Variants in SLC12A6 observed in about 807,000 individuals in gnomAD.
SLC12A6 encodes the protein solute carrier family 12 member 6.
In SLC12A6, 66 loss-of-function variants were observed where a neutral mutation model predicts 135.3. The ratio of observed to expected loss-of-function variants is 0.49; its 90% CI spans 0.40 to 0.60. The LOEUF (loss-of-function observed/expected upper bound fraction) is 0.60. SLC12A6 is among the 20% of genes least tolerant of loss of function. The pLI is 0.00. For synonymous variants in SLC12A6, 513 were observed against 508.8 expected, an observed-to-expected ratio of 1.01 and a Z score of -0.11; for missense variants, 1,058 against 1,452.3, an observed-to-expected ratio of 0.73 and a Z score of 4.41.
chr15:34,334,082 A>C (rs193255779), intron 2 of SLC12A6, among the ~76,000 whole-genome samples: 33 of 151,906 alleles, frequency 2.2e-4, no homozygotes, highest in African/African-American at 6.0e-4. Flanking sequence ...AAAAAAAAAA[A>C]AACAAAAAAA....
chr15:34,241,368 T>G (rs1300056961), intron 17 of SLC12A6, 31 bp from the exon 18 acceptor site: 2 of 1,162,978 alleles, frequency 1.7e-6, no homozygotes, highest in Non-Finnish European at 2.6e-6. Context: ...CAGAGACAAA[T>G]TTAAACTATA....
At chr15:34,269,235 C>A (rs1015892596) in intron 3 of SLC12A6, among the ~76,000 whole-genome samples, 1 of 152,042 alleles carries the variant, frequency 6.6e-6, no homozygotes, top group Non-Finnish European at 1.5e-5. Flanking sequence ...TGTTTCACTG[C>A]ATAATTCAAA....
chr15:34,243,883 T>C (rs1158843839), intron 16 of SLC12A6, 91 bp downstream of exon 16: 4 of 829,578 alleles, frequency 4.8e-6, no homozygotes, highest in East Asian at 4.8e-5. Context: ...AAGAAAAAAA[T>C]TTTATCGAGA....
chr15:34,308,575 A>G (rs1482275595), intron 2 of SLC12A6, among the ~76,000 whole-genome samples: 1 of 147,186 alleles, frequency 6.8e-6, no homozygotes, highest in Non-Finnish European at 1.5e-5. Context: ...CAGTGAGCCG[A>G]GACCACTCCA....
At chr15:34,234,137 C>T (rs376096845) in intron 25 of SLC12A6, among the ~76,000 whole-genome samples, 165 bp from the exon 26 acceptor site, 1 of 152,118 alleles carries the variant, frequency 6.6e-6, no homozygotes, top group Non-Finnish European at 1.5e-5. Context: ...TGTGAAGTAA[C>T]CAGAGATCCA....
In SLC12A6 at chr15:34,233,941, T is replaced by C. The variant is rs1891084218; in HGVS notation, c.3393A>G (p.Gly1131=). The change falls in exon 26 of 26, where the codon GGA becomes GGG. Residue 1131 remains glycine (G), a synonymous_variant. Coordinates refer to ENST00000354181, the MANE Select transcript of SLC12A6 (RefSeq NM_001365088.1). ...YMEFLEVLTE[G]LERVLLVRGG... ...CCCGGACAAGTAGGACTCGCTCTAGTCCCTCGGTAAGCACCTCTAGGAACT... is the reference window on the plus strand; with the variant it reads ...CCCGGACAAGTAGGACTCGCTCTAGCCCCTCGGTAAGCACCTCTAGGAACT... The C allele has an allele frequency of 1.2e-6, 2 of 1,605,942 alleles. No individual in the cohort carries two copies. The highest frequency in any genetic ancestry group is 1.7e-6 in the Non-Finnish European group (2 of 1,172,554).
intron 2 of SLC12A6, among the ~76,000 whole-genome samples, chr15:34,303,450 G>A: frequency 6.6e-6 from 1 of 152,070 alleles, no homozygotes; most frequent in Non-Finnish European, 1.5e-5. Flanking sequence ...TTTTGAGACT[G>A]CCTTTTTTTC....
chr15:34,242,106 G>A lies in SLC12A6; in HGVS notation c.2158C>T (p.Gln720Ter). ...CAAGATTAAATCCACACTCACCCTT[G>A]GTATTCAATGTACTTGTAGATCATA... ...AGMIYKYIEY[Q>*]GAEKEWGDGI... The change falls in exon 17 of 26, where the codon CAA becomes TAA. Residue 720 changes from glutamine (Q) to a stop codon, truncating the protein, a stop_gained. Coordinates refer to ENST00000354181, the MANE Select transcript of SLC12A6 (RefSeq NM_001365088.1). LOFTEE classifies it high-confidence loss of function. 2 of 1,602,428 alleles carry A rather than the reference G, an allele frequency of 1.2e-6. No individual in the cohort carries two copies. Among genetic ancestry groups the A allele is most frequent in the Non-Finnish European group, 1.7e-6 (2 of 1,169,772 alleles).
chr15:34,258,483 A>C (rs766981135), intron 5 of SLC12A6, among the ~76,000 whole-genome samples: 1 of 152,188 alleles, frequency 6.6e-6, no homozygotes, highest in Non-Finnish European at 1.5e-5. Context: ...TTCCCTGTCC[A>C]ACCTATGTAA....
intron 2 of SLC12A6, among the ~76,000 whole-genome samples, chr15:34,299,075 G>A (rs1896070759): frequency 1.3e-5 from 2 of 152,130 alleles, no homozygotes; most frequent in South Asian, 2.1e-4. Context: ...ATCATGTGTG[G>A]GGTACTAATC....
intron 11 of SLC12A6, 40 bp from the exon 12 acceptor site, chr15:34,250,769 G>T: frequency 1.4e-6 from 2 of 1,399,320 alleles, no homozygotes; most frequent in Non-Finnish European, 2.0e-6. Context: ...TAACTTCTTG[G>T]ACACTTTGAT....
At position 34,233,440 on chromosome 15, in the gene SLC12A6, A is replaced by G. The variant is rs1278354744; in HGVS notation, c.*441T>C. On this transcript the variant is annotated 3_prime_UTR_variant, in exon 26 of 26. Transcript: ENST00000354181. ...TAGGTCCAAATATACTTGACCATAA[A>G]TTCTTTAGTAAGATGAAGCTGTCTC... The G allele has an allele frequency of 5.6e-6, 1 of 177,100 alleles. No individual in the cohort carries two copies. Among genetic ancestry groups the G allele is most frequent in the African/African-American group, 2.4e-5 (1 of 42,192 alleles). 11.0% of individuals were successfully genotyped at this position (177,100 alleles called of 1,614,324 possible). A position where few individuals can be genotyped will look rare whatever the true frequency, so the allele number is the denominator to read the frequency against.
intron 14 of SLC12A6, 80 bp from the exon 15 acceptor site, chr15:34,245,483 A>G: frequency 2.1e-6 from 2 of 938,406 alleles, no homozygotes; most frequent in Non-Finnish European, 3.6e-6. Context: ...GTTTTCAGAC[A>G]TCTGGAAGAC....
At chr15:34,303,372 T>C (rs1451587527) in intron 2 of SLC12A6, among the ~76,000 whole-genome samples, 2 of 152,228 alleles carry the variant, frequency 1.3e-5, no homozygotes, top group Non-Finnish European at 2.9e-5. Flanking sequence ...TTAGTGTGTA[T>C]ACTTTGAATA....
chr15:34,326,278 T>C (rs1262525045), intron 2 of SLC12A6, among the ~76,000 whole-genome samples: 1 of 152,220 alleles, frequency 6.6e-6, no homozygotes, highest in Non-Finnish European at 1.5e-5. Flanking sequence ...GACATTCAGT[T>C]ACTCAGGGTT....
At chr15:34,254,006 T>C (rs893236983) in intron 9 of SLC12A6, among the ~76,000 whole-genome samples, 1 of 152,186 alleles carries the variant, frequency 6.6e-6, no homozygotes, top group Non-Finnish European at 1.5e-5. Context: ...TAAAGGTTGC[T>C]GGCAATAACT....
chr15:34,322,119 C>T (rs947479518), intron 2 of SLC12A6, among the ~76,000 whole-genome samples: 1 of 152,180 alleles, frequency 6.6e-6, no homozygotes, highest in Non-Finnish European at 1.5e-5. Context: ...GGCGTGGTGG[C>T]TCACACCTAT....
At chr15:34,331,341 A>T (rs1889831981) in intron 2 of SLC12A6, among the ~76,000 whole-genome samples, 1 of 152,212 alleles carries the variant, frequency 6.6e-6, no homozygotes, top group Admixed American at 6.5e-5. Flanking sequence ...GGGTTTCACC[A>T]TGTTGGCCAG....
Position 34,330,689 on chromosome 15 carries a change from C to CAAAAACA in SLC12A6, c.271+5720_271+5721insTGTTTTT, listed in dbSNP as rs1555392091. Among the ~76,000 whole-genome samples the CAAAAACA allele has an allele frequency of 4.0e-5, 6 of 148,902 alleles. No homozygotes were observed. The East Asian group carries it at 1.2e-3, about 29-fold the overall frequency. On this transcript the variant is annotated intron_variant, in intron 2 of 25. Transcript: ENST00000354181. ...CTCAAAAAAAAAACAAAAACAAAAA[C>CAAAAACA]AAAAAAAACAAAACTATCAAGAGGA...
Sources: gnomAD v4.1 joint callset for allele counts (sites outside exome capture counted in the v4.1 genomes callset) on GRCh38, gnomAD v4.1.1 for gene constraint, MANE v1.5 for transcripts, NCBI Gene and HGNC (gene_info 2026-07-23, HGNC 2026-07-21) for gene names.